SLC3A1: variants seen among roughly 807,000 people sequenced by gnomAD.
The protein encoded by SLC3A1 is amino acid transporter heavy chain SLC3A1.
A neutral mutation model predicts 60.3 loss-of-function variants in SLC3A1; 78 were observed. That is an observed-to-expected ratio of 1.29 (90% CI 1.08 to 1.56). SLC3A1 has a LOEUF of 1.56. SLC3A1 is among the 40% of genes most tolerant of loss of function. SLC3A1 has a pLI of 0.00. For missense variants in SLC3A1, 1,172 were observed against 858.9 expected (o/e 1.36, Z -4.56); for synonymous variants, 392 against 307.9 (o/e 1.27, Z -2.86).
downstream of SLC3A1, chr2:44,321,948 CT>C (rs756729415): frequency 2.6e-6 from 4 of 1,561,376 alleles, no homozygotes; most frequent in South Asian, 4.7e-5. Flanking sequence ...ATGGGATCTT[CT>C]TTGGAAGATC....
chr2:44,285,495 A>G (rs1172522970), intron 3 of SLC3A1: 1 of 362,502 alleles, frequency 2.8e-6, no homozygotes, highest in African/African-American at 2.1e-5. Context: ...AGAGGAGACC[A>G]GCGACATCGT....
At chr2:44,276,314 G>C (rs1410689003) in intron 1 of SLC3A1, among the ~76,000 whole-genome samples, 1 of 152,184 alleles carries the variant, frequency 6.6e-6, no homozygotes, top group East Asian at 1.9e-4. Flanking sequence ...AGTTGAATAT[G>C]TCAGGGTGGC....
In SLC3A1 at chr2:44,299,972, A is replaced by C. The variant is rs751734696; in HGVS notation, c.893A>C (p.Glu298Ala). The stretch of plus-strand genomic sequence containing the variant: ...AGCATTTTGCTTCTTCATCTTTAGG[A>C]AATTTTACGGTTCTGGCTCACAAAG... ...RNPDVQEEIKEILRFWLTKGV... is the reference protein window; with the variant it reads ...RNPDVQEEIKAILRFWLTKGV... Residue 298 changes from glutamate to alanine, a missense_variant and splice_region_variant, in exon 5 of 10, where the codon GAA becomes GCA. Physicochemically the swap from Glu to Ala is moderately radical, Grantham distance 107. Coordinates refer to ENST00000260649, the MANE Select transcript of SLC3A1 (RefSeq NM_000341.4). The C allele has an allele frequency of 1.9e-6, 3 of 1,614,096 alleles. No homozygotes were observed. The highest frequency in any genetic ancestry group is 2.5e-6 in the Non-Finnish European group (3 of 1,179,962).
intron 4 of SLC3A1, among the ~76,000 whole-genome samples, chr2:44,287,054 G>A (rs1671634030): frequency 6.6e-6 from 1 of 152,144 alleles, no homozygotes; most frequent in Admixed American, 6.5e-5. Context: ...TGTACTCATT[G>A]AGTAAATATT....
intron 7 of SLC3A1, among the ~76,000 whole-genome samples, chr2:44,312,119 T>C (rs955086534): frequency 2.0e-5 from 3 of 152,208 alleles, no homozygotes; most frequent in South Asian, 2.1e-4. Flanking sequence ...TAAAATTTCA[T>C]CTTGGAGTAT....
chr2:44,313,426 A>G (rs370659662), intron 8 of SLC3A1, among the ~76,000 whole-genome samples: 25 of 152,298 alleles, frequency 1.6e-4, no homozygotes, highest in African/African-American at 5.5e-4. Flanking sequence ...CATGAGCAAT[A>G]ATCAGGCTGA....
intron 4 of SLC3A1, among the ~76,000 whole-genome samples, chr2:44,288,661 A>T (rs1671670577): frequency 6.6e-6 from 1 of 152,170 alleles, no homozygotes. Flanking sequence ...AACACTTGTT[A>T]TTGCATATAT....
intron 4 of SLC3A1, 128 bp from the exon 5 acceptor site, chr2:44,299,843 A>G: frequency 1.0e-6 from 1 of 979,186 alleles, no homozygotes; most frequent in Non-Finnish European, 1.6e-6. Flanking sequence ...TAGACTGTGA[A>G]TACTGTGCTT....
intron 6 of SLC3A1, chr2:44,301,432 T>C (rs28465110): frequency 5.2e-6 from 3 of 574,118 alleles, no homozygotes; most frequent in South Asian, 2.1e-5. Flanking sequence ...TGAGCTATTA[T>C]TTTTTCTTTT....
At chr2:44,301,299 C>A in intron 6 of SLC3A1, 172 bp downstream of exon 6, 1 of 819,874 alleles carries the variant, frequency 1.2e-6, no homozygotes, top group Non-Finnish European at 2.0e-6. Flanking sequence ...TTCCTGTTTG[C>A]TTATTTTGCT....
intron 1 of SLC3A1, 45 bp from the exon 2 acceptor site, chr2:44,280,671 T>TA: frequency 7.1e-7 from 1 of 1,403,194 alleles, no homozygotes; most frequent in Non-Finnish European, 1.0e-6. Context: ...GTCCTTTAAC[T>TA]AAAACAAAGT....
chr2:44,296,040 G>C (rs1163830687), intron 4 of SLC3A1, among the ~76,000 whole-genome samples: 2 of 152,168 alleles, frequency 1.3e-5, no homozygotes, highest in Admixed American at 6.5e-5. Flanking sequence ...GCAAGTGAGA[G>C]GTCTTGAAGC....
At chr2:44,311,870 C>T (rs10198291) in intron 7 of SLC3A1, among the ~76,000 whole-genome samples, 117,291 of 152,042 alleles carry the variant, frequency 0.77, 46,189 homozygotes, top group African/African-American at 0.86. Context: ...ATTTGTAAAA[C>T]GGAGATAGTA....
intron 9 of SLC3A1, among the ~76,000 whole-genome samples, chr2:44,316,808 A>T (rs1672477350): frequency 6.6e-6 from 1 of 152,222 alleles, no homozygotes; most frequent in African/African-American, 2.4e-5. Context: ...CAAAACAGAG[A>T]TGGAAAAGCA....
In SLC3A1 at chr2:44,321,445, T is replaced by A. The variant is rs751603399; in HGVS notation, c.*806T>A. 2.2e-5 allele frequency: 36 copies of A among 1,611,530 alleles called. No homozygotes were observed. In the Admixed American group the frequency reaches 5.7e-4, roughly 25 times the overall value. ...TACAGGAATTTAATTTGGGCTGTAATCTAAAAGAAACACATTAAAAAAATT... is the reference window on the plus strand; with the variant it reads ...TACAGGAATTTAATTTGGGCTGTAAACTAAAAGAAACACATTAAAAAAATT... On this transcript the variant is annotated 3_prime_UTR_variant, in exon 10 of 10. Transcript: ENST00000260649.
intron 4 of SLC3A1, among the ~76,000 whole-genome samples, chr2:44,297,975 G>C (rs1417471196): frequency 6.6e-6 from 1 of 152,124 alleles, no homozygotes; most frequent in Admixed American, 6.5e-5. Flanking sequence ...AATATTCATC[G>C]TATGGATAGA....
chr2:44,312,068 C>T lies in SLC3A1; in HGVS notation c.1333-518C>T, dbSNP rs147305788. 2.0e-3 allele frequency among the ~76,000 whole-genome samples: 306 copies of T among 152,142 alleles called. 1 individual carries two copies. The highest frequency in any genetic ancestry group is 7.1e-3 in the African/African-American group (296 of 41,490). On this transcript the variant is annotated intron_variant, in intron 7 of 9. Transcript: ENST00000260649. The stretch of plus-strand genomic sequence containing the variant: ...AATAAGGGCTAGAATATACCTAGAA[C>T]GTTTAACATGGAAATATATTTACAA...
chr2:44,299,009 G>A (rs1671928719), intron 4 of SLC3A1, among the ~76,000 whole-genome samples: 1 of 148,820 alleles, frequency 6.7e-6, no homozygotes, highest in Non-Finnish European at 1.5e-5. Flanking sequence ...TGAAATTAAA[G>A]CCAGTGGAAT....
intron 9 of SLC3A1, chr2:44,314,387 CAG>C (rs1672375117): frequency 3.4e-6 from 1 of 294,590 alleles, no homozygotes; most frequent in African/African-American, 2.1e-5. Flanking sequence ...TCTGAAGAAA[CAG>C]AAGCCATACA....
Sources: allele counts gnomAD v4.1 joint callset (sites outside exome capture counted in the v4.1 genomes callset), GRCh38; gene constraint gnomAD v4.1.1; transcripts MANE v1.5; gene names NCBI Gene and HGNC (gene_info 2026-07-23, HGNC 2026-07-21).